The following HORMAD1 variants were observed in gnomAD, a reference collection of about 807,000 sequenced individuals.
HORMAD1 encodes the protein HORMA domain containing 1.
Under a neutral mutation model 58.2 loss-of-function variants are expected in HORMAD1, and 33 were observed. The observed-to-expected ratio is 0.57, with a 90% CI of 0.43 to 0.76. HORMAD1 has a LOEUF of 0.76. Among genes scored for constraint, HORMAD1 ranks in the 30% least tolerant of loss-of-function variants. The pLI, the probability that HORMAD1 is intolerant of heterozygous loss-of-function variation, is 0.00. For synonymous variants in HORMAD1, 137 were observed against 144.6 expected, an observed-to-expected ratio of 0.95 and a Z score of 0.38; for missense variants, 363 against 462.0, an observed-to-expected ratio of 0.79 and a Z score of 1.96.
chr1:150,699,386 C>T (rs1051710786), intron 14 of HORMAD1, among the ~76,000 whole-genome samples: 2 of 151,576 alleles, frequency 1.3e-5, no homozygotes, highest in African/African-American at 4.9e-5. Flanking sequence ...GTAAATTATC[C>T]TCCTTCTACT....
chr1:150,711,740 G>T (rs1651911717), intron 6 of HORMAD1, 93 bp downstream of exon 6: 1 of 958,296 alleles, frequency 1.0e-6, no homozygotes, highest in Non-Finnish European at 1.7e-6. Context: ...TGAATAATGT[G>T]ACATAATCAA....
chr1:150,704,009 T>C (rs12403609), intron 12 of HORMAD1, 109 bp downstream of exon 12: 320,903 of 699,908 alleles, frequency 0.46, 77,411 homozygotes, highest in Non-Finnish European at 0.51. Context: ...AAATATTGAA[T>C]TTTATTCTAA....
At chr1:150,718,344 ATT>A (rs34258924) in intron 2 of HORMAD1, among the ~76,000 whole-genome samples, 2,033 of 125,772 alleles carry the variant, frequency 0.016, 16 homozygotes, top group African/African-American at 0.054. Flanking sequence ...TGCCTGGCTA[ATT>A]TTTTTTTTTT....
intron 3 of HORMAD1, among the ~76,000 whole-genome samples, chr1:150,715,052 T>G (rs1652027463): frequency 6.6e-6 from 1 of 152,156 alleles, no homozygotes; most frequent in Admixed American, 6.5e-5. Flanking sequence ...CCCAAAGTGC[T>G]GGGATTACAG....
chr1:150,715,898 T>C (rs1476920252), intron 3 of HORMAD1, among the ~76,000 whole-genome samples: 2 of 151,458 alleles, frequency 1.3e-5, no homozygotes, highest in Admixed American at 6.6e-5. Flanking sequence ...TGAATATATA[T>C]ATATATGTAT....
intron 5 of HORMAD1, among the ~76,000 whole-genome samples, chr1:150,713,327 C>T (rs1651957695): frequency 6.6e-6 from 1 of 152,102 alleles, no homozygotes; most frequent in Admixed American, 6.6e-5. Context: ...TGTTAGCTTA[C>T]CCAGTTCCTA....
At chr1:150,698,836 A>C in intron 14 of HORMAD1, 102 bp from the exon 15 acceptor site, 2 of 676,490 alleles carry the variant, frequency 3.0e-6, no homozygotes, top group Non-Finnish European at 5.0e-6. Context: ...TTTTTAAAAA[A>C]ATTTATGCCT....
chr1:150,708,790 G>T, intron 8 of HORMAD1, 104 bp downstream of exon 8: 1 of 639,930 alleles, frequency 1.6e-6, no homozygotes, highest in South Asian at 2.1e-5. Flanking sequence ...TGGTTAATTG[G>T]GGATGTCCCC....
intron 3 of HORMAD1, among the ~76,000 whole-genome samples, chr1:150,716,359 A>G (rs1264339795): frequency 2.0e-5 from 3 of 151,142 alleles, no homozygotes. Flanking sequence ...ACGGGGTTTC[A>G]CCATGTTGGC....
intron 9 of HORMAD1, among the ~76,000 whole-genome samples, chr1:150,707,029 T>C (rs1266819784): frequency 6.6e-6 from 1 of 152,184 alleles, no homozygotes; most frequent in Non-Finnish European, 1.5e-5. Context: ...AGTAAATTAT[T>C]CATCATCCCT....
At chr1:150,717,556 T>A (rs771433932) in intron 2 of HORMAD1, among the ~76,000 whole-genome samples, 7 of 152,184 alleles carry the variant, frequency 4.6e-5, no homozygotes, top group African/African-American at 4.8e-5. Context: ...CTCACTGTAT[T>A]GCCCAGGCTG....
At chr1:150,716,536 G>A (rs1652083106) in intron 3 of HORMAD1, among the ~76,000 whole-genome samples, 1 of 152,146 alleles carries the variant, frequency 6.6e-6, no homozygotes, top group African/African-American at 2.4e-5. Flanking sequence ...AAGTAGATTG[G>A]TGATTGCCTA....
Position 150,698,432 on chromosome 1 carries a change from C to T in HORMAD1, c.*222G>A, listed in dbSNP as rs2101832120. 3.1e-6 allele frequency: 1 copy of T among 317,824 alleles called. No individual in the cohort carries two copies. The highest frequency in any genetic ancestry group is 5.7e-6 in the Non-Finnish European group (1 of 174,732). 19.7% of individuals were successfully genotyped at this position (317,824 alleles called of 1,614,324 possible). A position where few individuals can be genotyped will look rare whatever the true frequency, so the allele number is the denominator to read the frequency against. Reference sequence around the variant, plus strand: ...TCAATTTTGAAATTTTACTTATTACCGAATCAATTATGACATTTGTACTTT... The same window carrying T: ...TCAATTTTGAAATTTTACTTATTACTGAATCAATTATGACATTTGTACTTT... On this transcript the variant is annotated 3_prime_UTR_variant, in exon 15 of 15. Transcript: ENST00000361824.
At chr1:150,714,365 A>G (rs587697188) in intron 4 of HORMAD1, among the ~76,000 whole-genome samples, 19 of 152,288 alleles carry the variant, frequency 1.2e-4, no homozygotes, top group South Asian at 6.2e-4. Context: ...GAACAATAAT[A>G]AAATAAATAA....
chr1:150,717,153 T>C lies in HORMAD1; in HGVS notation c.163A>G (p.Thr55Ala). The change falls in exon 3 of 15, where the codon ACA becomes GCA. Residue 55 changes from threonine (T) to alanine (A), a missense_variant. Transcript: ENST00000361824. The stretch of plus-strand genomic sequence containing the variant: ...ATTGTATTACCATCTAGATATCTTG[T>C]TCCATAAGCGCATTCTGGGAATATT... ...RGIFPECAYG[T>A]RYLDDLCVKI... 1 of 1,565,976 alleles carries C rather than the reference T, an allele frequency of 6.4e-7. No homozygotes were observed. The highest frequency in any genetic ancestry group is 8.7e-7 in the Non-Finnish European group (1 of 1,152,294).
intron 10 of HORMAD1, among the ~76,000 whole-genome samples, chr1:150,705,019 G>A (rs941071009): frequency 6.6e-6 from 1 of 151,746 alleles, no homozygotes; most frequent in Non-Finnish European, 1.5e-5. Flanking sequence ...CTTCAGCCTC[G>A]GCAAAAGAGC....
chr1:150,706,488 A>AAATCTTC, intron 10 of HORMAD1, 65 bp downstream of exon 10: 1 of 1,342,230 alleles, frequency 7.5e-7, no homozygotes, highest in Non-Finnish European at 1.0e-6. Context: ...GAGCTATGAA[A>AAATCTTC]AATCTTCAGA....
At position 150,714,549 on chromosome 1, in the gene HORMAD1, CA is replaced by C; in HGVS notation, c.242+65del. On this transcript the variant is annotated intron_variant, in intron 4 of 14. Coordinates refer to ENST00000361824, the MANE Select transcript of HORMAD1 (RefSeq NM_032132.5). ...AATTTGGTTAAACACCAAAGGTATC[CA>C]AGGTACAAAAAAAAGTAAAATGAGA... The C allele has an allele frequency of 6.2e-6, 5 of 800,752 alleles. No individual in the cohort carries two copies. The South Asian group carries it at 1.3e-4, about 20-fold the overall frequency. 49.6% of individuals were successfully genotyped at this position (800,752 alleles called of 1,614,324 possible).
Position 150,698,582 on chromosome 1 carries a change from GA to G in HORMAD1, c.*71del. On this transcript the variant is annotated 3_prime_UTR_variant, in exon 15 of 15. Coordinates refer to ENST00000361824, the MANE Select transcript of HORMAD1 (RefSeq NM_032132.5). ...CTACATATACATCTTCAGAGTTAGGGAAATATAATATAGGGTCCTTCAGTTT... is the reference window on the plus strand; with the variant it reads ...CTACATATACATCTTCAGAGTTAGGGAATATAATATAGGGTCCTTCAGTTT... The G allele has an allele frequency of 1.3e-6, 1 of 793,058 alleles. No homozygotes were observed. The highest frequency in any genetic ancestry group is 2.1e-6 in the Non-Finnish European group (1 of 481,206). 49.1% of individuals were successfully genotyped at this position (793,058 alleles called of 1,614,324 possible).
Sources: allele counts gnomAD v4.1 joint callset (sites outside exome capture counted in the v4.1 genomes callset), GRCh38; gene constraint gnomAD v4.1.1; transcripts MANE v1.5; gene names NCBI Gene and HGNC (gene_info 2026-07-23, HGNC 2026-07-21).